SLC9C1: variants seen among roughly 807,000 people sequenced by gnomAD.
SLC9C1 encodes sodium/hydrogen exchanger 10.
SLC9C1 carries 97 observed loss-of-function variants against 140.9 expected under a neutral mutation model. The ratio of observed to expected loss-of-function variants is 0.69; its 90% CI spans 0.58 to 0.82. The LOEUF (loss-of-function observed/expected upper bound fraction) is 0.82, where lower values mean the gene tolerates loss of function less well. SLC9C1 is among the 40% of genes least tolerant of loss of function. The pLI, the probability that SLC9C1 is intolerant of heterozygous loss-of-function variation, is 0.00. For synonymous variants in SLC9C1, 440 were observed against 442.6 expected (o/e 0.99, Z 0.07); for missense variants, 1,340 against 1,389.3 (o/e 0.96, Z 0.56).
intron 12 of SLC9C1, among the ~76,000 whole-genome samples, chr3:112,237,573 A>T (rs1410999836): frequency 2.0e-5 from 3 of 152,162 alleles, no homozygotes; most frequent in Non-Finnish European, 4.4e-5. Context: ...ACAATTTGGC[A>T]TGTTTCTGCA....
intron 13 of SLC9C1, among the ~76,000 whole-genome samples, chr3:112,221,664 T>A (rs2078544221): frequency 6.6e-6 from 1 of 152,068 alleles, no homozygotes; most frequent in African/African-American, 2.4e-5. Context: ...GTGATAAGGA[T>A]TAAAATGATT....
intron 26 of SLC9C1, among the ~76,000 whole-genome samples, chr3:112,162,462 TGA>T (rs2075331694): frequency 6.6e-6 from 1 of 152,184 alleles, no homozygotes; most frequent in Non-Finnish European, 1.5e-5. Flanking sequence ...CCGAATTTAT[TGA>T]GAGTTTTTAG....
intron 7 of SLC9C1, among the ~76,000 whole-genome samples, chr3:112,268,472 CTATT>C (rs968927267): frequency 3.3e-5 from 5 of 152,110 alleles, no homozygotes; most frequent in African/African-American, 1.2e-4. Context: ...TAGGTCCAAA[CTATT>C]TGTTAAGTTT....
At chr3:112,247,374 G>A (rs2079316698) in intron 10 of SLC9C1, among the ~76,000 whole-genome samples, 1 of 152,248 alleles carries the variant, frequency 6.6e-6, no homozygotes, top group East Asian at 1.9e-4. Context: ...AGCAATTTGT[G>A]TTGAAATATA....
rs185923026 is a variant in SLC9C1, at chr3:112,267,009, G to A, written c.776-669C>T. ...TTGTCATGAAATTTTAGATAGGCAC[G>A]GTGGCTCATACCTATAATTCCAGCA... On this transcript the variant is annotated intron_variant, in intron 7 of 28. Coordinates refer to ENST00000305815, the MANE Select transcript of SLC9C1 (RefSeq NM_183061.3). Among the ~76,000 whole-genome samples, 18 of 152,242 alleles carry A rather than the reference G, an allele frequency of 1.2e-4. No homozygotes were observed. The South Asian group carries it at 1.2e-3, about 11-fold the overall frequency.
intron 12 of SLC9C1, among the ~76,000 whole-genome samples, chr3:112,238,923 C>T (rs1295591808): frequency 6.6e-6 from 1 of 152,220 alleles, no homozygotes; most frequent in Non-Finnish European, 1.5e-5. Context: ...CTTGAGGAGG[C>T]AGTCTGTCTG....
At chr3:112,216,704 A>G (rs1357794417) in intron 15 of SLC9C1, among the ~76,000 whole-genome samples, 1 of 152,254 alleles carries the variant, frequency 6.6e-6, no homozygotes. Flanking sequence ...GTCAGGAAAC[A>G]ACAGGTGCTG....
intron 27 of SLC9C1, 30 bp downstream of exon 27, chr3:112,154,967 C>T: frequency 1.9e-6 from 3 of 1,594,556 alleles, no homozygotes; most frequent in Non-Finnish European, 1.7e-6. Flanking sequence ...ACCCAAAATA[C>T]AACTTTTAGA....
chr3:112,210,641 T>C (rs2078175872), intron 15 of SLC9C1, among the ~76,000 whole-genome samples: 1 of 152,254 alleles, frequency 6.6e-6, no homozygotes, highest in Admixed American at 6.5e-5. Flanking sequence ...GGTTAACTTA[T>C]GTATATGAAA....
At chr3:112,205,081 G>C (rs2078009256) in intron 16 of SLC9C1, among the ~76,000 whole-genome samples, 1 of 152,018 alleles carries the variant, frequency 6.6e-6, no homozygotes, top group Non-Finnish European at 1.5e-5. Context: ...GAAATAAAGG[G>C]TATTCAGTTA....
At chr3:112,207,422 T>G (rs1307331552) in intron 16 of SLC9C1, among the ~76,000 whole-genome samples, 2 of 152,196 alleles carry the variant, frequency 1.3e-5, no homozygotes, top group Non-Finnish European at 2.9e-5. Context: ...TTGGGAGTCA[T>G]TAGACTATGA....
intron 5 of SLC9C1, among the ~76,000 whole-genome samples, chr3:112,277,402 A>G (rs2080244058): frequency 6.6e-6 from 1 of 152,168 alleles, no homozygotes; most frequent in Non-Finnish European, 1.5e-5. Context: ...AACGTCCCAG[A>G]ACTGTTCTGT....
chr3:112,221,737 T>C (rs930967173), intron 13 of SLC9C1, among the ~76,000 whole-genome samples: 5 of 152,090 alleles, frequency 3.3e-5, no homozygotes, highest in Non-Finnish European at 4.4e-5. Flanking sequence ...AGTATTATAA[T>C]AACAGATTGC....
chr3:112,168,082 C>G (rs539137548), intron 25 of SLC9C1, among the ~76,000 whole-genome samples: 7 of 152,234 alleles, frequency 4.6e-5, no homozygotes, highest in African/African-American at 1.7e-4. Flanking sequence ...TGCTTTTATC[C>G]TAGCTGTAAA....
intron 12 of SLC9C1, among the ~76,000 whole-genome samples, chr3:112,236,878 C>T (rs889492775): frequency 1.3e-5 from 2 of 152,212 alleles, no homozygotes; most frequent in African/African-American, 4.8e-5. Flanking sequence ...GAGTGCTTTA[C>T]TTCCAACTAT....
rs951225396 is a variant in SLC9C1 at position 112,283,720 on chromosome 3, T to C, written c.89-2937A>G. On this transcript the variant is annotated intron_variant, in intron 2 of 28. Transcript: ENST00000305815. ...TGCACAGTTCCAATATGCATAAATA[T>C]TGGTTACCACAGTTAAGTTAAATAA... Among the ~76,000 whole-genome samples, 14 of 152,000 alleles carry C rather than the reference T, an allele frequency of 9.2e-5. 1 individual carries two copies. Among genetic ancestry groups the C allele is most frequent in the Admixed American group, 4.6e-4 (7 of 15,254 alleles).
chr3:112,221,286 T>C, intron 13 of SLC9C1, 61 bp from the exon 14 acceptor site: 3 of 1,377,456 alleles, frequency 2.2e-6, no homozygotes, highest in Non-Finnish European at 3.1e-6. Context: ...CTTATTACAA[T>C]CTTGATGGGA....
At chr3:112,244,189 T>A (rs1012970326) in intron 10 of SLC9C1, 113 bp from the exon 11 acceptor site, 8 of 580,946 alleles carry the variant, frequency 1.4e-5, no homozygotes, top group Non-Finnish European at 2.2e-5. Context: ...TAGGTTGTAC[T>A]GTGTTAATAG....
chr3:112,239,670 C>T (rs990033651), intron 12 of SLC9C1, among the ~76,000 whole-genome samples, 170 bp downstream of exon 12: 4 of 152,196 alleles, frequency 2.6e-5, no homozygotes, highest in African/African-American at 9.7e-5. Flanking sequence ...CCACAGTGAT[C>T]ATGAAGTTCC....
Sources: allele counts gnomAD v4.1 joint callset (sites outside exome capture counted in the v4.1 genomes callset), GRCh38; gene constraint gnomAD v4.1.1; transcripts MANE v1.5; gene names NCBI Gene and HGNC (gene_info 2026-07-23, HGNC 2026-07-21).